COL5A2: variants seen among roughly 807,000 people sequenced by gnomAD.
COL5A2 encodes the protein collagen alpha-2(V) chain.
A neutral mutation model predicts 208.2 loss-of-function variants in COL5A2; 23 were observed. That is an observed-to-expected ratio of 0.11 (90% CI 0.08 to 0.16). COL5A2 has a LOEUF of 0.16. COL5A2 is among the 10% of genes least tolerant of loss of function. The pLI, the probability that COL5A2 is intolerant of heterozygous loss-of-function variation, is 1.00. For missense variants in COL5A2, 1,590 were observed against 1,956.4 expected (o/e 0.81, Z 3.53); for synonymous variants, 625 against 628.5 (o/e 0.99, Z 0.08).
At chr2:189,089,282 G>A (rs1686731606) in intron 7 of COL5A2, among the ~76,000 whole-genome samples, 1 of 152,064 alleles carries the variant, frequency 6.6e-6, no homozygotes, top group Non-Finnish European at 1.5e-5. Flanking sequence ...CACTTTTATA[G>A]TCCTTTTAAT....
the COL5A2 span, among the ~76,000 whole-genome samples, chr2:189,246,582 T>C: frequency 6.6e-6 from 1 of 152,232 alleles, no homozygotes; most frequent in Non-Finnish European, 1.5e-5. Context: ...CTTAGCTACA[T>C]ACCTTGACTA....
At chr2:189,184,355 A>G (rs1284197019), upstream of COL5A2, among the ~76,000 whole-genome samples, 1 of 152,184 alleles carries the variant, frequency 6.6e-6, no homozygotes, top group Non-Finnish European at 1.5e-5. Flanking sequence ...GGACTGGTGT[A>G]TGTGTTTTCT....
the COL5A2 span, among the ~76,000 whole-genome samples, chr2:189,263,671 T>C: frequency 6.6e-6 from 1 of 152,138 alleles, no homozygotes; most frequent in Non-Finnish European, 1.5e-5. Context: ...AGGTGTACCT[T>C]TTTAAATCTT....
rs188813554 is a variant in COL5A2 at position 189,065,389 on chromosome 2, G to T, written c.1564-332C>A. Reference sequence around the variant, plus strand: ...TACTAAAAATACAAAAATTAGCTGGGTATAGTGGCAAGTGCCTGTATCCCA... The same window carrying T: ...TACTAAAAATACAAAAATTAGCTGGTTATAGTGGCAAGTGCCTGTATCCCA... On this transcript the variant is annotated intron_variant, in intron 23 of 53. Coordinates refer to ENST00000374866, the MANE Select transcript of COL5A2 (RefSeq NM_000393.5). Among the ~76,000 whole-genome samples the T allele has an allele frequency of 3.9e-5, 6 of 152,102 alleles. No individual in the cohort carries two copies. The East Asian group carries it at 1.2e-3, about 29-fold the overall frequency.
upstream of COL5A2, among the ~76,000 whole-genome samples, chr2:189,229,621 A>T (rs1039679463): frequency 5.9e-5 from 9 of 151,846 alleles, no homozygotes; most frequent in African/African-American, 1.7e-4. Flanking sequence ...AAAAAATTTA[A>T]CTGAGGGACC....
chr2:189,311,311 C>T, the COL5A2 span: 4 of 1,167,050 alleles, frequency 3.4e-6, no homozygotes, highest in African/African-American at 4.5e-5. Context: ...CTTGGCCATC[C>T]ACTATCTGGC....
the COL5A2 span, among the ~76,000 whole-genome samples, chr2:189,253,856 A>C: frequency 6.6e-6 from 1 of 152,166 alleles, no homozygotes; most frequent in Admixed American, 6.5e-5. Context: ...ATCTCCCTTC[A>C]TTGCTCTGTG....
the COL5A2 span, among the ~76,000 whole-genome samples, chr2:189,337,205 CG>C: frequency 7.1e-6 from 1 of 141,384 alleles, no homozygotes; most frequent in African/African-American, 2.7e-5. Context: ...TTTTTTGAGA[CG>C]GAGTCTCGCT....
At chr2:189,214,952 T>C (rs537916867) in intron 1 of COL5A2, among the ~76,000 whole-genome samples, 1 of 152,206 alleles carries the variant, frequency 6.6e-6, no homozygotes, top group Non-Finnish European at 1.5e-5. Context: ...AATTTTATTA[T>C]AATCCTCAGG....
At chr2:189,400,548 A>G in the COL5A2 span, among the ~76,000 whole-genome samples, 2 of 152,198 alleles carry the variant, frequency 1.3e-5, no homozygotes, top group Non-Finnish European at 2.9e-5. Flanking sequence ...GAGTTATTAT[A>G]AAGTCCATGT....
rs1157883924 is a variant in COL5A2, at chr2:189,053,439, A to G, written c.2538T>C (p.Gly846=). 4 of 1,613,870 alleles carry G rather than the reference A, an allele frequency of 2.5e-6. No individual in the cohort carries two copies. The Admixed American group carries it at 6.7e-5, about 27-fold the overall frequency. The stretch of plus-strand genomic sequence containing the variant: ...AAAATTATACCTGGGGTCCGGCAAA[A>G]CCAACAGCTCCAGTTGGCCCATTTT... The part of the protein sequence containing the change: ...RGENGPTGAV[G]FAGPQGPDGQ... Residue 846 remains glycine (G), a synonymous_variant, in exon 38 of 54, where the codon GGT becomes GGC. Transcript: ENST00000374866.
intron 51 of COL5A2, among the ~76,000 whole-genome samples, chr2:189,037,388 G>T (rs1236594825): frequency 6.6e-6 from 1 of 152,166 alleles, no homozygotes; most frequent in Non-Finnish European, 1.5e-5. Context: ...TTGCATACAT[G>T]GGTGTGTGTA....
intron 1 of COL5A2, among the ~76,000 whole-genome samples, chr2:189,164,111 C>T (rs182641369): frequency 3.3e-5 from 5 of 152,292 alleles, no homozygotes; most frequent in Admixed American, 3.3e-4. Flanking sequence ...ACGTTTGGCT[C>T]AGATGCCTGT....
intron 35 of COL5A2, among the ~76,000 whole-genome samples, chr2:189,056,036 G>C (rs1037825840): frequency 6.6e-6 from 1 of 152,118 alleles, no homozygotes; most frequent in African/African-American, 2.4e-5. Context: ...AAAAGAAGTG[G>C]TGCATCCTTA....
At chr2:189,393,233 T>C in the COL5A2 span, among the ~76,000 whole-genome samples, 1 of 152,120 alleles carries the variant, frequency 6.6e-6, no homozygotes, top group Admixed American at 6.6e-5. Flanking sequence ...CTTCATTCTG[T>C]ATGTCTAAAA....
the COL5A2 span, among the ~76,000 whole-genome samples, chr2:189,319,627 C>G: frequency 6.6e-6 from 1 of 152,212 alleles, no homozygotes; most frequent in Non-Finnish European, 1.5e-5. Flanking sequence ...GAGGGGCGCC[C>G]GCCATTGCTG....
chr2:189,310,563 C>A, the COL5A2 span, among the ~76,000 whole-genome samples: 1 of 151,746 alleles, frequency 6.6e-6, no homozygotes, highest in South Asian at 2.1e-4. Context: ...CCAGCAATCC[C>A]ACTGTTGGGT....
chr2:189,128,493 T>C (rs774705575), intron 1 of COL5A2, among the ~76,000 whole-genome samples: 1 of 152,004 alleles, frequency 6.6e-6, no homozygotes, highest in African/African-American at 2.4e-5. Flanking sequence ...TGTTTTTTGT[T>C]TTTTTCTTTT....
chr2:189,342,640 AAC>A, the COL5A2 span, among the ~76,000 whole-genome samples: 16,355 of 143,522 alleles, frequency 0.11, 1,569 homozygotes, highest in African/African-American at 0.27. Flanking sequence ...AGAGAGCTAA[AAC>A]ACACACACAC....
Sources: allele counts gnomAD v4.1 joint callset (sites outside exome capture counted in the v4.1 genomes callset), GRCh38; gene constraint gnomAD v4.1.1; transcripts MANE v1.5; gene names NCBI Gene and HGNC (gene_info 2026-07-23, HGNC 2026-07-21).